Variants in ADAMTS18 observed in about 807,000 individuals in gnomAD.
ADAMTS18 encodes the protein ADAM metallopeptidase with thrombospondin type 1 motif 18.
Under a neutral mutation model 165.9 loss-of-function variants are expected in ADAMTS18, and 157 were observed. The observed-to-expected ratio is 0.95, with a 90% CI of 0.83 to 1.08. ADAMTS18 has a LOEUF of 1.08. ADAMTS18 is among the 50% of genes least tolerant of loss of function. The pLI is 0.00. For missense variants in ADAMTS18, 2,040 were observed against 1,534.0 expected (o/e 1.33, Z -5.51); for synonymous variants, 782 against 578.2 (o/e 1.35, Z -5.06).
At chr16:77,392,478 C>T (rs1044695914) in intron 3 of ADAMTS18, among the ~76,000 whole-genome samples, 31 of 152,194 alleles carry the variant, frequency 2.0e-4, no homozygotes, top group Non-Finnish European at 4.0e-4. Context: ...CACGTGTCCA[C>T]CTCAGAGAAA....
At chr16:77,397,708 G>C (rs1439845557) in intron 3 of ADAMTS18, among the ~76,000 whole-genome samples, 1 of 152,246 alleles carries the variant, frequency 6.6e-6, no homozygotes, top group Non-Finnish European at 1.5e-5. Flanking sequence ...TGCCCATGCA[G>C]AGCTTACAAA....
At chr16:77,353,651 A>T in intron 10 of ADAMTS18, 82 bp downstream of exon 10, 1 of 1,605,034 alleles carries the variant, frequency 6.2e-7, no homozygotes, top group Non-Finnish European at 8.5e-7. Flanking sequence ...TGGCCTTGGC[A>T]AACCAAATGT....
intron 3 of ADAMTS18, among the ~76,000 whole-genome samples, chr16:77,368,725 G>C (rs1014683225): frequency 6.6e-6 from 1 of 151,952 alleles, no homozygotes; most frequent in Non-Finnish European, 1.5e-5. Flanking sequence ...TTGATTCACA[G>C]TTGCTAAATC....
At chr16:77,342,506 A>T (rs994778849) in intron 10 of ADAMTS18, among the ~76,000 whole-genome samples, 5 of 152,100 alleles carry the variant, frequency 3.3e-5, no homozygotes, top group African/African-American at 9.7e-5. Flanking sequence ...GCCCAGTCTC[A>T]TCTCAAACTC....
At chr16:77,402,937 C>T (rs2144813207) in intron 3 of ADAMTS18, among the ~76,000 whole-genome samples, 1 of 152,290 alleles carries the variant, frequency 6.6e-6, no homozygotes, top group East Asian at 1.9e-4. Context: ...CTCAAATACA[C>T]ATGGAGCAAC....
intron 12 of ADAMTS18, among the ~76,000 whole-genome samples, chr16:77,333,007 T>C (rs2056215184): frequency 6.6e-6 from 1 of 152,192 alleles, no homozygotes; most frequent in Non-Finnish European, 1.5e-5. Flanking sequence ...AGTTCACCAG[T>C]TTGAGAGACA....
intron 16 of ADAMTS18, among the ~76,000 whole-genome samples, chr16:77,317,875 G>C (rs570944698): frequency 1.3e-5 from 2 of 152,146 alleles, no homozygotes; most frequent in South Asian, 4.1e-4. Flanking sequence ...GATAAATTGA[G>C]TGCTTCAGTT....
intron 12 of ADAMTS18, among the ~76,000 whole-genome samples, chr16:77,328,211 T>A (rs578070509): frequency 2.0e-5 from 3 of 152,212 alleles, no homozygotes; most frequent in East Asian, 3.9e-4. Context: ...CACCACCACA[T>A]TGAAAATTAC....
intron 3 of ADAMTS18, among the ~76,000 whole-genome samples, chr16:77,409,239 G>C (rs1346129725): frequency 3.9e-5 from 6 of 152,114 alleles, no homozygotes; most frequent in Non-Finnish European, 8.8e-5. Flanking sequence ...AGCAGAAACT[G>C]AAATATTCTT....
intron 12 of ADAMTS18, among the ~76,000 whole-genome samples, chr16:77,335,260 A>C (rs2056289438): frequency 3.3e-5 from 5 of 150,264 alleles, no homozygotes; most frequent in Admixed American, 2.7e-4. Flanking sequence ...ATCTTCTCCC[A>C]TGTGAGAGCT....
At chr16:77,417,248 G>C (rs1489157078) in intron 3 of ADAMTS18, among the ~76,000 whole-genome samples, 1 of 152,256 alleles carries the variant, frequency 6.6e-6, no homozygotes, top group Non-Finnish European at 1.5e-5. Context: ...TTAGAAGTGT[G>C]AATGGGAGGA....
rs1567474883 is a variant in ADAMTS18, at chr16:77,314,787, A to ATATATATATATATATATAT, written c.2532+5061_2532+5062insATATATATATATATATATA. Among the ~76,000 whole-genome samples, 78 of 49,322 alleles carry ATATATATATATATATATAT rather than the reference A, an allele frequency of 1.6e-3. 8 individuals are homozygous for ATATATATATATATATATAT. The highest frequency in any genetic ancestry group is 3.8e-3 in the African/African-American group (49 of 12,840). 32.4% of individuals were successfully genotyped at this position (49,322 alleles called of 152,430 possible). On this transcript the variant is annotated intron_variant, in intron 16 of 22. Transcript: ENST00000282849. ...ATATATATATATATATATATATATA[A>ATATATATATATATATATAT]AATATATGTGATATGCTCAGAAGGC...
rs781152512 is a variant in ADAMTS18, at chr16:77,319,994, T to G, written c.2387A>C (p.Gln796Pro). Residue 796 changes from glutamine to proline, a missense_variant, in exon 16 of 23, where the codon CAA becomes CCA. Physicochemically the swap from Gln to Pro is moderately conservative, Grantham distance 76. Coordinates refer to ENST00000282849, the MANE Select transcript of ADAMTS18 (RefSeq NM_199355.4). Reference protein sequence around the residue: ...SSYLAVRSLSQKYYLTGGWSI... With the variant: ...SSYLAVRSLSPKYYLTGGWSI... ...CCAGCCCCCGGTGAGGTAATACTTT[T>G]GACTGAGGCTTCGAACTGCGAGGTA... 3.1e-6 allele frequency: 5 copies of G among 1,614,160 alleles called. No individual in the cohort carries two copies. The East Asian group carries it at 1.1e-4, about 36-fold the overall frequency.
chr16:77,425,130 C>T (rs1294966808), intron 3 of ADAMTS18, among the ~76,000 whole-genome samples: 1 of 152,150 alleles, frequency 6.6e-6, no homozygotes, highest in Admixed American at 6.6e-5. Flanking sequence ...CTGCAAGAAC[C>T]CAGGCTCTCT....
chr16:77,385,001 C>T (rs2057086524), intron 3 of ADAMTS18, among the ~76,000 whole-genome samples: 1 of 151,916 alleles, frequency 6.6e-6, no homozygotes, highest in Non-Finnish European at 1.5e-5. Flanking sequence ...CCTCCGCTTC[C>T]CAGGTTCAAG....
chr16:77,343,555 A>G (rs2056431237), intron 10 of ADAMTS18, among the ~76,000 whole-genome samples: 1 of 152,218 alleles, frequency 6.6e-6, no homozygotes, highest in Admixed American at 6.5e-5. Flanking sequence ...AAAACTGAGC[A>G]AGCTTCTGAT....
intron 3 of ADAMTS18, among the ~76,000 whole-genome samples, chr16:77,378,383 TG>T (rs2056984119): frequency 1.3e-5 from 2 of 150,730 alleles, no homozygotes; most frequent in Non-Finnish European, 3.0e-5. Context: ...TTTACTTAGA[TG>T]ATTTTTTAGA....
intron 10 of ADAMTS18, among the ~76,000 whole-genome samples, chr16:77,353,332 G>GT (rs1468070581): frequency 1.3e-5 from 2 of 152,106 alleles, no homozygotes; most frequent in African/African-American, 4.8e-5. Context: ...GCTGCTAATA[G>GT]TTATCCCATA....
intron 21 of ADAMTS18, chr16:77,291,049 C>G (rs1264403807): frequency 1.9e-6 from 1 of 518,996 alleles, no homozygotes; most frequent in East Asian, 3.5e-5. Flanking sequence ...AACAAATCAA[C>G]TCTCCCAGAT....
Sources: allele counts gnomAD v4.1 joint callset (sites outside exome capture counted in the v4.1 genomes callset), GRCh38; gene constraint gnomAD v4.1.1; transcripts MANE v1.5; gene names NCBI Gene and HGNC (gene_info 2026-07-23, HGNC 2026-07-21).